The following SPRED3 variants were observed in gnomAD, a reference collection of about 807,000 sequenced individuals.
The protein encoded by SPRED3 is sprouty-related, EVH1 domain-containing protein 3.
A neutral mutation model predicts 37.6 loss-of-function variants in SPRED3; 23 were observed. That is an observed-to-expected ratio of 0.61 (90% CI 0.44 to 0.87). The LOEUF (loss-of-function observed/expected upper bound fraction) is 0.87, where lower values mean the gene tolerates loss of function less well. SPRED3 is among the 40% of genes least tolerant of loss of function. The probability of loss-of-function intolerance (pLI) is 0.00; values close to 1 mark genes in which losing one functional copy is unlikely to be tolerated. For synonymous variants in SPRED3, 302 were observed against 279.6 expected, an observed-to-expected ratio of 1.08 and a Z score of -0.80; for missense variants, 584 against 618.6, an observed-to-expected ratio of 0.94 and a Z score of 0.59.
In SPRED3 at chr19:38,390,501, G is replaced by A. The variant is rs576664319; in HGVS notation, c.177+22G>A. On this transcript the variant is annotated intron_variant, in intron 2 of 5. Coordinates refer to ENST00000691638, the MANE Select transcript of SPRED3 (RefSeq NM_001394336.1). ...GAAAGTGAGCCACCCTGGGGCATGC[G>A]GGGAGGGTAGGGACCTGGGGAGGGA... 6.5e-5 allele frequency: 86 copies of A among 1,323,094 alleles called. No homozygotes were observed. The Middle Eastern group carries it at 1.0e-3, about 15-fold the overall frequency. The allele number at this position is 1,323,094 out of a possible 1,614,324, so 82.0% of individuals were successfully genotyped here. A position where few individuals can be genotyped will look rare whatever the true frequency, so the allele number is the denominator to read the frequency against.
At chr19:38,393,271 C>G (rs1168675754) in intron 4 of SPRED3, among the ~76,000 whole-genome samples, 1 of 152,074 alleles carries the variant, frequency 6.6e-6, no homozygotes, top group Non-Finnish European at 1.5e-5. Context: ...TCTGCCAATG[C>G]CCCTTGTCTA....
Position 38,392,255 on chromosome 19 carries a change from C to T in SPRED3, c.390C>T (p.Ser130=), listed in dbSNP as rs1405919155. 1.3e-6 allele frequency: 2 copies of T among 1,592,604 alleles called. No homozygotes were observed. Among genetic ancestry groups the T allele is most frequent in the Non-Finnish European group, 1.7e-6 (2 of 1,169,560 alleles). Residue 130 remains serine (S), a synonymous_variant, in exon 4 of 6, where the codon TCC becomes TCT. Coordinates refer to ENST00000691638, the MANE Select transcript of SPRED3 (RefSeq NM_001394336.1). ...PSSSSSSSSP[S]QDTAETPCPL... is the part of the protein sequence containing the mutation. ...CCTCCTCCTCCTCCTCCTCTCCTTC[C>T]CAGGATACTGCAGAGACCCCCTGCC...
chr19:38,390,484 G>A lies in SPRED3; in HGVS notation c.177+5G>A. 1 of 1,336,246 alleles carries A rather than the reference G, an allele frequency of 7.5e-7. No individual in the cohort carries two copies. The highest frequency in any genetic ancestry group is 9.6e-7 in the Non-Finnish European group (1 of 1,039,898). 82.8% of individuals were successfully genotyped at this position (1,336,246 alleles called of 1,614,324 possible). ...GAACGCCTCCGGGACCAGAAAGTGAGCCACCCTGGGGCATGCGGGGAGGGT... is the reference window on the plus strand; with the variant it reads ...GAACGCCTCCGGGACCAGAAAGTGAACCACCCTGGGGCATGCGGGGAGGGT... On this transcript the variant is annotated splice_donor_5th_base_variant and intron_variant, in intron 2 of 5. Transcript: ENST00000691638.
At chr19:38,391,822 C>T in intron 2 of SPRED3, 124 bp from the exon 3 acceptor site, 1 of 1,145,436 alleles carries the variant, frequency 8.7e-7, no homozygotes, top group Non-Finnish European at 1.3e-6. Flanking sequence ...CAGGGTTACA[C>T]TTAGGGTTGG....
intron 2 of SPRED3, among the ~76,000 whole-genome samples, chr19:38,391,084 G>A (rs1970827094): frequency 6.6e-6 from 1 of 151,734 alleles, no homozygotes; most frequent in Non-Finnish European, 1.5e-5. Flanking sequence ...AGGAGTCAGT[G>A]GAGGGATTTG....
intron 4 of SPRED3, 127 bp from the exon 5 acceptor site, chr19:38,394,516 C>G: frequency 6.4e-7 from 1 of 1,552,030 alleles, no homozygotes. Context: ...CAGTCAGTGA[C>G]AGAGCCGGGG....
chr19:38,390,265 G>T, intron 1 of SPRED3, 34 bp from the exon 2 acceptor site: 4 of 1,337,212 alleles, frequency 3.0e-6, no homozygotes, highest in Non-Finnish European at 3.9e-6. Flanking sequence ...GCTCATGACT[G>T]TGTTGTCCCT....
rs1270514051 is a variant in SPRED3, at chr19:38,394,760, C to T, written c.541C>T (p.Pro181Ser). 1 of 1,577,096 alleles carries T rather than the reference C, an allele frequency of 6.3e-7. No homozygotes were observed. The highest frequency in any genetic ancestry group is 8.6e-7 in the Non-Finnish European group (1 of 1,164,918). The change falls in exon 5 of 6, where the codon CCC becomes TCC. Residue 181 changes from proline (P) to serine (S), a missense_variant. Coordinates refer to ENST00000691638, the MANE Select transcript of SPRED3 (RefSeq NM_001394336.1). ...SASGFGPTTPPQRRRSSAQSY... is the reference protein window; with the variant it reads ...SASGFGPTTPSQRRRSSAQSY... Reference sequence around the variant, plus strand: ...TTCAGGCTTCGGGCCGACCACGCCCCCCCAGCGCCGCCGCTCCTCCGCTCA... The same window carrying T: ...TTCAGGCTTCGGGCCGACCACGCCCTCCCAGCGCCGCCGCTCCTCCGCTCA...
chr19:38,395,630 C>T lies in SPRED3; in HGVS notation c.718C>T (p.Arg240Cys). 1.9e-6 allele frequency: 3 copies of T among 1,542,360 alleles called. No individual in the cohort carries two copies. The highest frequency in any genetic ancestry group is 1.7e-6 in the Non-Finnish European group (2 of 1,153,120). ...APLALSTCVVRFAKTGALRGA... is the reference protein window; with the variant it reads ...APLALSTCVVCFAKTGALRGA... ...CCTCGCCCTGTCCACCTGCGTCGTG[C>T]GCTTCGCCAAGACCGGCGCGTTGAG... Residue 240 changes from arginine (R) to cysteine (C), a missense_variant, in exon 6 of 6, where the codon CGC becomes TGC. By Grantham distance (180) the Arg-to-Cys change is radical. Around this residue, in one of 7 missense-constraint regions of SPRED3, gnomAD observed 310 missense variants for 281.1 expected, o/e 1.10. Coordinates refer to ENST00000691638, the MANE Select transcript of SPRED3 (RefSeq NM_001394336.1). This position sits in a 1 kb window ranked among gnomAD's most constrained non-coding sequence, Gnocchi z 5.2.
At position 38,396,689 on chromosome 19, in the gene SPRED3, A is replaced by G. The variant is rs1209707211; in HGVS notation, c.*544A>G. On this transcript the variant is annotated 3_prime_UTR_variant, in exon 6 of 6. Transcript: ENST00000691638. ...GTGCCCCCACATCTGAGACATTCTC[A>G]TAGTCCCAGGACCCCTGAGACAGCA... is the stretch of plus-strand genomic sequence containing the variant. 6.6e-6 allele frequency: 1 copy of G among 152,062 alleles called. No individual in the cohort carries two copies. Among genetic ancestry groups the G allele is most frequent in the Non-Finnish European group, 1.5e-5 (1 of 68,048 alleles). 9.4% of individuals were successfully genotyped at this position (152,062 alleles called of 1,614,324 possible). A position where few individuals can be genotyped will look rare whatever the true frequency, so the allele number is the denominator to read the frequency against.
chr19:38,394,288 G>C, intron 4 of SPRED3: 1 of 1,416,706 alleles, frequency 7.1e-7, no homozygotes. Context: ...AAGACGATTA[G>C]ATGTTCCTCA....
chr19:38,394,551 C>T, intron 4 of SPRED3, 92 bp from the exon 5 acceptor site: 1 of 1,555,964 alleles, frequency 6.4e-7, no homozygotes. Flanking sequence ...TTCCTGGCCG[C>T]AGAGCCCTCG....
chr19:38,397,303 T>G lies in SPRED3; in HGVS notation c.*1158T>G, dbSNP rs1970910041. 6.6e-6 allele frequency: 1 copy of G among 152,144 alleles called. No homozygotes were observed. Among genetic ancestry groups the G allele is most frequent in the Non-Finnish European group, 1.5e-5 (1 of 68,030 alleles). The allele number at this position is 152,144 out of a possible 1,614,324, so 9.4% of individuals were successfully genotyped here. A position where few individuals can be genotyped will look rare whatever the true frequency, so the allele number is the denominator to read the frequency against. On this transcript the variant is annotated 3_prime_UTR_variant, in exon 6 of 6. Transcript: ENST00000691638. ...GTCCAGCTCCCAGAAGAGGGGATGC[T>G]CATGGTGACCCAGACCTCTGATGCC...
chr19:38,395,923 C>G lies in SPRED3; in HGVS notation c.1011C>G (p.Ser337Arg). 1 of 1,511,582 alleles carries G rather than the reference C, an allele frequency of 6.6e-7. No homozygotes were observed. Among genetic ancestry groups the G allele is most frequent in the Non-Finnish European group, 8.8e-7 (1 of 1,139,136 alleles). The allele number at this position is 1,511,582 out of a possible 1,614,324, so 93.6% of individuals were successfully genotyped here. The change falls in exon 6 of 6, where the codon AGC (serine) becomes AGG (arginine). Residue 337 changes from serine to arginine, a missense_variant. Ser to Arg is a moderately radical substitution (Grantham distance 110). Transcript: ENST00000691638. The surrounding 1 kb of genome is among the most constrained non-coding windows in gnomAD (Gnocchi z 5.2). ...RRLSCLWCAE[S>R]LLYHCLSDAE... Reference sequence around the variant, plus strand: ...TAAGCTGCCTGTGGTGCGCCGAGAGCTTGCTCTACCACTGCCTGTCGGACG... The same window carrying G: ...TAAGCTGCCTGTGGTGCGCCGAGAGGTTGCTCTACCACTGCCTGTCGGACG...
At chr19:38,392,551 A>C (rs924259917) in intron 4 of SPRED3, 13 of 383,814 alleles carry the variant, frequency 3.4e-5, no homozygotes, top group African/African-American at 2.7e-4. Context: ...ATCAGTGAAC[A>C]AAAAGTTCCT....
chr19:38,391,725 T>C (rs563111239), intron 2 of SPRED3, among the ~76,000 whole-genome samples: 8 of 152,124 alleles, frequency 5.3e-5, no homozygotes, highest in African/African-American at 9.7e-5. Flanking sequence ...ATCACACCAC[T>C]GCACTCCAGC....
At chr19:38,394,082 G>A (rs995656723) in intron 4 of SPRED3, among the ~76,000 whole-genome samples, 1 of 152,220 alleles carries the variant, frequency 6.6e-6, no homozygotes, top group Non-Finnish European at 1.5e-5. Context: ...TGCAGATAAG[G>A]TAGGAGTTAT....
chr19:38,389,057 A>G (rs1970787813), intron 1 of SPRED3, among the ~76,000 whole-genome samples: 1 of 152,108 alleles, frequency 6.6e-6, no homozygotes, highest in African/African-American at 2.4e-5. Flanking sequence ...ACCGTTGAGG[A>G]ACGCTGAGGA....
intron 2 of SPRED3, among the ~76,000 whole-genome samples, chr19:38,391,489 T>C (rs1970832417): frequency 6.6e-6 from 1 of 151,998 alleles, no homozygotes; most frequent in Non-Finnish European, 1.5e-5. Flanking sequence ...GTTAACAATG[T>C]TTTGGGCCAT....
Sources: gnomAD v4.1 joint callset for allele counts (sites outside exome capture counted in the v4.1 genomes callset) on GRCh38, gnomAD v4.1.1 for gene constraint, gnomAD v4.1.1 regional missense constraint, Gnocchi (gnomAD v3.1) non-coding constraint, MANE v1.5 for transcripts, NCBI Gene and HGNC (gene_info 2026-07-23, HGNC 2026-07-21) for gene names.